The following SLC38A4 variants were observed in gnomAD, a reference collection of about 807,000 sequenced individuals.
The protein encoded by SLC38A4 is sodium-coupled neutral amino acid transporter 4.
Under a neutral mutation model 63.1 loss-of-function variants are expected in SLC38A4, and 20 were observed. The observed-to-expected ratio is 0.32, with a 90% CI of 0.22 to 0.46. SLC38A4 has a LOEUF of 0.46. Among genes scored for constraint, SLC38A4 ranks in the 20% least tolerant of loss-of-function variants. The pLI, the probability that SLC38A4 is intolerant of heterozygous loss-of-function variation, is 1.00. For missense variants in SLC38A4, 526 were observed against 663.6 expected (o/e 0.79, Z 2.28); for synonymous variants, 230 against 225.5 (o/e 1.02, Z -0.18).
In SLC38A4 at chr12:46,785,888, T is replaced by G. The variant is rs1260773880; in HGVS notation, c.327-711A>C. 2.0e-5 allele frequency among the ~76,000 whole-genome samples: 3 copies of G among 151,862 alleles called. No individual in the cohort carries two copies. In the East Asian group the frequency reaches 5.8e-4, roughly 29 times the overall value. On this transcript the variant is annotated intron_variant, in intron 5 of 16. Coordinates refer to ENST00000266579, the MANE Select transcript of SLC38A4 (RefSeq NM_018018.5). ...AAAAATAAGAATGTTGATAGAAGCA[T>G]CTACGTAATAAATGGAGGAGCAATG...
At chr12:46,789,038 C>T (rs993295109) in intron 3 of SLC38A4, among the ~76,000 whole-genome samples, 1 of 152,020 alleles carries the variant, frequency 6.6e-6, no homozygotes, top group Non-Finnish European at 1.5e-5. Context: ...TATTAAATGC[C>T]TAGGCACTGT....
intron 1 of SLC38A4, among the ~76,000 whole-genome samples, chr12:46,825,313 T>TTA (rs34878223): frequency 0.012 from 1,629 of 140,460 alleles, 41 homozygotes; most frequent in South Asian, 0.045. Context: ...TATACAAAGT[T>TTA]TATATATATA....
chr12:46,821,546 C>A (rs1479656286), intron 1 of SLC38A4, among the ~76,000 whole-genome samples: 1 of 151,908 alleles, frequency 6.6e-6, no homozygotes, highest in Non-Finnish European at 1.5e-5. Context: ...TACCATACAG[C>A]TTTTGTTGTC....
chr12:46,770,886 A>AAT (rs1938403937), intron 14 of SLC38A4, among the ~76,000 whole-genome samples: 1 of 152,136 alleles, frequency 6.6e-6, no homozygotes, highest in Non-Finnish European at 1.5e-5. Context: ...AACTCATTTA[A>AAT]AAGAGAGAAA....
chr12:46,805,596 A>G (rs1939215390), intron 1 of SLC38A4, among the ~76,000 whole-genome samples: 1 of 152,086 alleles, frequency 6.6e-6, no homozygotes, highest in Non-Finnish European at 1.5e-5. Flanking sequence ...TTAAAATCAT[A>G]CCACAATGTA....
chr12:46,816,091 A>G (rs907164711), intron 1 of SLC38A4, among the ~76,000 whole-genome samples: 1 of 151,986 alleles, frequency 6.6e-6, no homozygotes, highest in East Asian at 1.9e-4. Context: ...CAAAGAGTAT[A>G]CGTGTTTCTA....
intron 14 of SLC38A4, among the ~76,000 whole-genome samples, chr12:46,773,392 G>GT (rs779349250): frequency 2.6e-5 from 4 of 152,068 alleles, no homozygotes; most frequent in Non-Finnish European, 5.9e-5. Flanking sequence ...TTATATAAAT[G>GT]TAACATTGCA....
intron 10 of SLC38A4, 130 bp from the exon 11 acceptor site, chr12:46,778,906 G>A: frequency 2.5e-6 from 2 of 789,864 alleles, no homozygotes; most frequent in South Asian, 1.9e-5. Flanking sequence ...TTAGACTAAT[G>A]GACAAAGTAA....
chr12:46,818,816 A>T (rs1205374040), intron 1 of SLC38A4, among the ~76,000 whole-genome samples: 8 of 151,968 alleles, frequency 5.3e-5, no homozygotes, highest in Non-Finnish European at 1.2e-4. Flanking sequence ...TATATCTTGC[A>T]ATCTTACAGA....
intron 1 of SLC38A4, among the ~76,000 whole-genome samples, chr12:46,831,005 A>G (rs4497488): frequency 0.72 from 109,670 of 152,086 alleles, 39,686 homozygotes; most frequent in African/African-American, 0.74. Flanking sequence ...GAGTTTCCTA[A>G]CTTAGTTCAC....
chr12:46,805,031 T>C (rs746542636), intron 1 of SLC38A4, among the ~76,000 whole-genome samples: 3 of 151,988 alleles, frequency 2.0e-5, no homozygotes, highest in Non-Finnish European at 4.4e-5. Flanking sequence ...TCTTGTAAAA[T>C]TTCATTTAAT....
At chr12:46,776,350 G>A (rs755495300) in intron 13 of SLC38A4, among the ~76,000 whole-genome samples, 3 of 151,950 alleles carry the variant, frequency 2.0e-5, no homozygotes, top group African/African-American at 7.2e-5. Context: ...TTTTGGTGGT[G>A]CATTCTTAGA....
chr12:46,778,206 A>G (rs1265578701), intron 12 of SLC38A4, 83 bp downstream of exon 12: 1 of 1,329,202 alleles, frequency 7.5e-7, no homozygotes, highest in South Asian at 1.2e-5. Flanking sequence ...GAAGCTATAA[A>G]CTGTGTTTCC....
intron 10 of SLC38A4, 146 bp from the exon 11 acceptor site, chr12:46,778,922 C>T (rs1420077520): frequency 1.4e-6 from 1 of 705,976 alleles, no homozygotes; most frequent in African/African-American, 1.8e-5. Context: ...AGTAAACTTC[C>T]TCTAGCCTCT....
intron 3 of SLC38A4, among the ~76,000 whole-genome samples, chr12:46,791,263 T>G (rs544671001): frequency 6.6e-6 from 1 of 152,234 alleles, no homozygotes; most frequent in East Asian, 1.9e-4. Context: ...GAAAAGCAGC[T>G]GTTGGTTTGC....
intron 1 of SLC38A4, among the ~76,000 whole-genome samples, chr12:46,816,421 T>C (rs1448868196): frequency 1.3e-5 from 2 of 151,948 alleles, no homozygotes; most frequent in African/African-American, 4.8e-5. Flanking sequence ...TTCTTTTGCC[T>C]GACACTTTCT....
chr12:46,794,314 G>A (rs1022643208), intron 2 of SLC38A4, among the ~76,000 whole-genome samples: 10 of 151,970 alleles, frequency 6.6e-5, no homozygotes, highest in African/African-American at 2.4e-4. Context: ...GAACACACAT[G>A]GAAACTCACT....
chr12:46,782,469 A>G (rs2120791411), intron 7 of SLC38A4, among the ~76,000 whole-genome samples: 1 of 152,202 alleles, frequency 6.6e-6, no homozygotes, highest in South Asian at 2.1e-4. Context: ...AGATGATCCA[A>G]TACTAACAAT....
Position 46,798,816 on chromosome 12 carries a change from G to A in SLC38A4, c.-113+4787C>T, listed in dbSNP as rs370471938. Among the ~76,000 whole-genome samples the A allele has an allele frequency of 1.1e-4, 17 of 152,038 alleles. No individual in the cohort carries two copies. The South Asian group carries it at 3.3e-3, about 30-fold the overall frequency. On this transcript the variant is annotated intron_variant, in intron 2 of 16. Transcript: ENST00000266579. Reference sequence around the variant, plus strand: ...TACAATTTTTTTTCTTATTCCCATTGTACAGATGAGGTAATGGAGGCACCA... The same window carrying A: ...TACAATTTTTTTTCTTATTCCCATTATACAGATGAGGTAATGGAGGCACCA...
Sources: gnomAD v4.1 joint callset for allele counts (sites outside exome capture counted in the v4.1 genomes callset) on GRCh38, gnomAD v4.1.1 for gene constraint, MANE v1.5 for transcripts, NCBI Gene and HGNC (gene_info 2026-07-23, HGNC 2026-07-21) for gene names.